The following SOSTDC1 variants were observed in gnomAD, a reference collection of about 807,000 sequenced individuals.
SOSTDC1 encodes sclerostin domain-containing protein 1.
A neutral mutation model predicts 15.1 loss-of-function variants in SOSTDC1; 7 were observed. The ratio of observed to expected loss-of-function variants is 0.46; its 90% CI spans 0.26 to 0.87. The LOEUF (loss-of-function observed/expected upper bound fraction) is 0.87, where lower values mean the gene tolerates loss of function less well. Ranked by LOEUF, SOSTDC1 falls within the 40% of genes least tolerant of loss-of-function variation. SOSTDC1 has a pLI of 0.15. For synonymous variants in SOSTDC1, 94 were observed against 93.2 expected (o/e 1.01, Z -0.05); for missense variants, 242 against 259.2 (o/e 0.93, Z 0.46).
rs780030476 is a variant in SOSTDC1, at chr7:16,462,954, T to G, written c.215A>C (p.Gln72Pro). The G allele has an allele frequency of 6.4e-7, 1 of 1,562,360 alleles. No individual in the cohort carries two copies. The highest frequency in any genetic ancestry group is 8.7e-7 in the Non-Finnish European group (1 of 1,149,746). ...GGAACGCAGTTCCCGGCAACCCACT[T>G]GAACCCGAGCTGCAGGAAACAAAAA... Reference protein sequence around the residue: ...NTGLDRNTRVQVGCRELRSTK... With the variant: ...NTGLDRNTRVPVGCRELRSTK... Residue 72 changes from glutamine to proline, a missense_variant, in exon 2 of 2, where the codon CAA becomes CCA. Coordinates refer to ENST00000307068, the MANE Select transcript of SOSTDC1 (RefSeq NM_015464.3).
intron 1 of SOSTDC1, among the ~76,000 whole-genome samples, 163 bp from the exon 2 acceptor site, chr7:16,463,126 G>A (rs1781239766): frequency 1.3e-5 from 2 of 152,180 alleles, no homozygotes; most frequent in Admixed American, 6.5e-5. Context: ...TGTCTGGATA[G>A]TATAGGGACA....
chr7:16,465,344 C>T (rs893302596), intron 1 of SOSTDC1, 120 bp downstream of exon 1: 30 of 855,636 alleles, frequency 3.5e-5, no homozygotes, highest in Non-Finnish European at 5.3e-5. Context: ...AGATTACTCC[C>T]AAATTGTTTC....
At chr7:16,464,563 G>T (rs1454912007) in intron 1 of SOSTDC1, among the ~76,000 whole-genome samples, 1 of 152,104 alleles carries the variant, frequency 6.6e-6, no homozygotes, top group African/African-American at 2.4e-5. Context: ...AATTTGCTTT[G>T]ACTTTTCAAA....
At chr7:16,463,106 GA>G in intron 1 of SOSTDC1, 143 bp from the exon 2 acceptor site, 2 of 804,330 alleles carry the variant, frequency 2.5e-6, no homozygotes, top group Non-Finnish European at 3.7e-6. Context: ...TTTTCACAGT[GA>G]AAAAAATCTG....
chr7:16,463,349 C>T (rs1781244003), intron 1 of SOSTDC1, among the ~76,000 whole-genome samples: 1 of 152,110 alleles, frequency 6.6e-6, no homozygotes, highest in African/African-American at 2.4e-5. Flanking sequence ...CTTTAATATT[C>T]TCTTTCTCAA....
chr7:16,465,129 C>T (rs1020405028), intron 1 of SOSTDC1, among the ~76,000 whole-genome samples: 11 of 152,080 alleles, frequency 7.2e-5, no homozygotes, highest in African/African-American at 2.4e-4. Context: ...GACAAAACAA[C>T]CGGAACTTGA....
At chr7:16,464,292 T>A (rs1443661503) in intron 1 of SOSTDC1, 21 of 1,513,640 alleles carry the variant, frequency 1.4e-5, no homozygotes, top group Non-Finnish European at 1.8e-5. Context: ...GTGCTCAGCG[T>A]GCCTGATTCT....
In SOSTDC1 at chr7:16,461,540, CAAT is replaced by C. The variant is rs2128327045; in HGVS notation, c.*1005_*1007del. On this transcript the variant is annotated 3_prime_UTR_variant, in exon 2 of 2. Coordinates refer to ENST00000307068, the MANE Select transcript of SOSTDC1 (RefSeq NM_015464.3). Reference sequence around the variant, plus strand: ...CCTTTATACATGTTAGAGGCAACAACAATAACTTTTAGCAGTGTTTATTTTTGT... The same window carrying C: ...CCTTTATACATGTTAGAGGCAACAACAACTTTTAGCAGTGTTTATTTTTGT... 6.6e-6 allele frequency: 1 copy of C among 152,266 alleles called. No individual in the cohort carries two copies. The highest frequency in any genetic ancestry group is 1.5e-5 in the Non-Finnish European group (1 of 68,006). 9.4% of individuals were successfully genotyped at this position (152,266 alleles called of 1,614,324 possible).
Position 16,465,602 on chromosome 7 carries a change from C to G in SOSTDC1, c.67G>C (p.Ala23Pro). The change falls in exon 1 of 2, where the codon GCT becomes CCT. Residue 23 changes from alanine to proline, a missense_variant. Physicochemically the swap from Ala to Pro is conservative, Grantham distance 27 (BLOSUM62 -1). Coordinates refer to ENST00000307068, the MANE Select transcript of SOSTDC1 (RefSeq NM_015464.3). Reference protein sequence around the residue: ...LACILMKSCLAFKNDATEILY... With the variant: ...LACILMKSCLPFKNDATEILY... ...ATTTCTGTGGCATCATTTTTAAAAG[C>G]CAAACAGCTTTTCATTAGGATGCAT... 1 of 1,614,000 alleles carries G rather than the reference C, an allele frequency of 6.2e-7. No homozygotes were observed. Among genetic ancestry groups the G allele is most frequent in the Non-Finnish European group, 8.5e-7 (1 of 1,179,964 alleles).
chr7:16,465,480 A>G lies in SOSTDC1; in HGVS notation c.189T>C (p.Thr63=). Residue 63 remains threonine (T), a synonymous_variant, in exon 1 of 2, where the codon ACT becomes ACC. Coordinates refer to ENST00000307068, the MANE Select transcript of SOSTDC1 (RefSeq NM_015464.3). ...ARNGGRHFSN[T]GLDRNTRVQV... ...CACACTTACTGTTCCGATCCAGTCC[A>G]GTGTTACTGAAATGCCTGCCTCCAT... The G allele has an allele frequency of 6.2e-7, 1 of 1,613,942 alleles. No homozygotes were observed. The highest frequency in any genetic ancestry group is 8.5e-7 in the Non-Finnish European group (1 of 1,179,884).
chr7:16,464,183 G>C (rs1204090130), intron 1 of SOSTDC1: 2 of 688,416 alleles, frequency 2.9e-6, no homozygotes, highest in Non-Finnish European at 5.2e-6. Flanking sequence ...TAAGGGGAAC[G>C]TGATAGTTGT....
Position 16,465,517 on chromosome 7 carries a change from T to C in SOSTDC1, c.152A>G (p.Asn51Ser), listed in dbSNP as rs778224847. ...ATGCCTGCCTCCATTTCTGGCTTGA[T>C]TCAACGTGCTGTTGCTGCTGGGGTG... Reference protein sequence around the residue: ...PAHPSSNSTLNQARNGGRHFS... With the variant: ...PAHPSSNSTLSQARNGGRHFS... The change falls in exon 1 of 2, where the codon AAT becomes AGT. Residue 51 changes from asparagine to serine, a missense_variant. Asn to Ser is a conservative substitution (Grantham distance 46, BLOSUM62 1). Coordinates refer to ENST00000307068, the MANE Select transcript of SOSTDC1 (RefSeq NM_015464.3). 25 of 1,614,156 alleles carry C rather than the reference T, an allele frequency of 1.5e-5. No individual in the cohort carries two copies. In the South Asian group the frequency reaches 2.7e-4, roughly 18 times the overall value.
chr7:16,464,265 T>C (rs1302457786), intron 1 of SOSTDC1: 29 of 1,292,262 alleles, frequency 2.2e-5, no homozygotes, highest in Non-Finnish European at 3.0e-5. Context: ...AAAGCGTAAA[T>C]TGTTTGGTTG....
At chr7:16,464,652 T>TTCTCTCTCTCTCTCTCTCTC (rs72323066) in intron 1 of SOSTDC1, among the ~76,000 whole-genome samples, 5 of 150,220 alleles carry the variant, frequency 3.3e-5, no homozygotes, top group Admixed American at 1.3e-4. Context: ...TGCGCAGTGT[T>TTCTCTCTCTCTCTCTCTCTC]TCTCTCTCTC....
At position 16,462,401 on chromosome 7, in the gene SOSTDC1, A is replaced by T. The variant is rs567024135; in HGVS notation, c.*147T>A. 3 of 824,062 alleles carry T rather than the reference A, an allele frequency of 3.6e-6. No homozygotes were observed. In the Admixed American group the frequency reaches 8.0e-5, roughly 22 times the overall value. The allele number at this position is 824,062 out of a possible 1,614,324, so 51.0% of individuals were successfully genotyped here. The stretch of plus-strand genomic sequence containing the variant: ...AAAACTATTCCCAAAGAAGGTCCTG[A>T]TACTTAAGACAGCTTGCTGGGTTTG... On this transcript the variant is annotated 3_prime_UTR_variant, in exon 2 of 2. Coordinates refer to ENST00000307068, the MANE Select transcript of SOSTDC1 (RefSeq NM_015464.3).
rs944832358 is a variant in SOSTDC1, at chr7:16,462,447, C to T, written c.*101G>A. The T allele has an allele frequency of 7.8e-7, 1 of 1,277,936 alleles. No homozygotes were observed. The highest frequency in any genetic ancestry group is 1.5e-5 in the African/African-American group (1 of 68,004). The allele number at this position is 1,277,936 out of a possible 1,614,324, so 79.2% of individuals were successfully genotyped here. ...GTTTGATCAAAGCAGAAAGCATATACTTTCAAGTGAGAAAACAGCAGTGGC... is the reference window on the plus strand; with the variant it reads ...GTTTGATCAAAGCAGAAAGCATATATTTTCAAGTGAGAAAACAGCAGTGGC... On this transcript the variant is annotated 3_prime_UTR_variant, in exon 2 of 2. Transcript: ENST00000307068.
chr7:16,463,889 A>G (rs773702617), intron 1 of SOSTDC1, among the ~76,000 whole-genome samples: 17 of 152,356 alleles, frequency 1.1e-4, no homozygotes, highest in Admixed American at 5.2e-4. Flanking sequence ...TAATTAAAGC[A>G]AAAATTAATC....
rs918650179 is a variant in SOSTDC1, at chr7:16,462,311, T to G, written c.*237A>C. ...ACAATGAGGAATTAAAACTACAGGA[T>G]ACGTGGAATTTAAATGCAAATTGCA... On this transcript the variant is annotated 3_prime_UTR_variant, in exon 2 of 2. Coordinates refer to ENST00000307068, the MANE Select transcript of SOSTDC1 (RefSeq NM_015464.3). 2.6e-5 allele frequency: 13 copies of G among 498,164 alleles called. No homozygotes were observed. The South Asian group carries it at 3.8e-4, about 15-fold the overall frequency. The allele number at this position is 498,164 out of a possible 1,614,324, so 30.9% of individuals were successfully genotyped here.
Position 16,462,175 on chromosome 7 carries a change from T to G in SOSTDC1, c.*373A>C. 1.2e-5 allele frequency: 2 copies of G among 167,742 alleles called. No homozygotes were observed. Among genetic ancestry groups the G allele is most frequent in the Admixed American group, 5.9e-5 (1 of 16,912 alleles). The allele number at this position is 167,742 out of a possible 1,614,324, so 10.4% of individuals were successfully genotyped here. A position where few individuals can be genotyped will look rare whatever the true frequency, so the allele number is the denominator to read the frequency against. On this transcript the variant is annotated 3_prime_UTR_variant, in exon 2 of 2. Transcript: ENST00000307068. Reference sequence around the variant, plus strand: ...TTTTTTTTAACCTGTTTTGAAGGAGTTTTGTTTAGGAGAGGGGATGGGCCA... The same window carrying G: ...TTTTTTTTAACCTGTTTTGAAGGAGGTTTGTTTAGGAGAGGGGATGGGCCA...
Sources: gnomAD v4.1 joint callset for allele counts (sites outside exome capture counted in the v4.1 genomes callset) on GRCh38, gnomAD v4.1.1 for gene constraint, MANE v1.5 for transcripts, NCBI Gene and HGNC (gene_info 2026-07-23, HGNC 2026-07-21) for gene names.